The following HERC3 variants were observed in gnomAD, a reference collection of about 807,000 sequenced individuals.
HERC3 encodes the protein probable E3 ubiquitin-protein ligase HERC3.
Under a neutral mutation model 129.9 loss-of-function variants are expected in HERC3, and 58 were observed. The ratio of observed to expected loss-of-function variants is 0.45; its 90% CI spans 0.36 to 0.56. HERC3 has a LOEUF of 0.56. Ranked by LOEUF, HERC3 falls within the 20% of genes least tolerant of loss-of-function variation. The probability of loss-of-function intolerance (pLI) is 0.00; values close to 1 mark genes in which losing one functional copy is unlikely to be tolerated. For missense variants in HERC3, 835 were observed against 1,244.2 expected (o/e 0.67, Z 4.95); for synonymous variants, 430 against 451.0 (o/e 0.95, Z 0.59).
intron 23 of HERC3, chr4:88,697,973 T>C: frequency 1.6e-6 from 1 of 634,964 alleles, no homozygotes; most frequent in Non-Finnish European, 2.7e-6. Flanking sequence ...CTCCTGTTGC[T>C]ACCCTGACAT....
intron 10 of HERC3, among the ~76,000 whole-genome samples, chr4:88,659,782 A>G (rs190212755): frequency 6.6e-6 from 1 of 152,362 alleles, no homozygotes; most frequent in East Asian, 1.9e-4. Flanking sequence ...GTTATTCAAT[A>G]GTATCCAACT....
At chr4:88,632,556 G>A (rs1726892070) in intron 3 of HERC3, among the ~76,000 whole-genome samples, 1 of 152,160 alleles carries the variant, frequency 6.6e-6, no homozygotes, top group African/African-American at 2.4e-5. Context: ...AACAAATGGA[G>A]AAACAAAGTT....
At chr4:88,646,503 A>G (rs1369240536) in intron 3 of HERC3, among the ~76,000 whole-genome samples, 1 of 152,240 alleles carries the variant, frequency 6.6e-6, no homozygotes, top group Middle Eastern at 3.2e-3. Flanking sequence ...GAGAAAGTAT[A>G]CTTTTATTCT....
the HERC3 span, among the ~76,000 whole-genome samples, chr4:88,555,431 G>T: frequency 3.3e-5 from 5 of 152,228 alleles, no homozygotes; most frequent in Middle Eastern, 6.8e-3. Flanking sequence ...GTTATTTTGG[G>T]GTAGTTTGAG....
chr4:88,545,448 T>TTTTTTG, the HERC3 span, among the ~76,000 whole-genome samples: 4 of 150,036 alleles, frequency 2.7e-5, no homozygotes, highest in African/African-American at 9.9e-5. Flanking sequence ...TTTTTTTTTT[T>TTTTTTG]TTTAGATAGG....
At chr4:88,569,861 A>G in the HERC3 span, among the ~76,000 whole-genome samples, 631 of 152,294 alleles carry the variant, frequency 4.1e-3, 5 homozygotes, top group Non-Finnish European at 7.3e-3. Flanking sequence ...CTGCACATGC[A>G]TCTAGGAGTA....
intron 14 of HERC3, among the ~76,000 whole-genome samples, chr4:88,669,212 C>T (rs371629750): frequency 1.5e-4 from 23 of 152,278 alleles, no homozygotes; most frequent in African/African-American, 5.1e-4. Context: ...ATCTGTCCCT[C>T]GCCCTCACCA....
chr4:88,689,532 C>CAA (rs34892852), intron 23 of HERC3, among the ~76,000 whole-genome samples: 1 of 103,660 alleles, frequency 9.6e-6, no homozygotes, highest in Non-Finnish European at 2.0e-5. Flanking sequence ...CCGCCCCCGC[C>CAA]AAAAAAAAAA....
At chr4:88,538,290 C>A in the HERC3 span, among the ~76,000 whole-genome samples, 1 of 152,178 alleles carries the variant, frequency 6.6e-6, no homozygotes, top group Non-Finnish European at 1.5e-5. Flanking sequence ...CTGCAATGCT[C>A]TTTGAGATGA....
chr4:88,545,430 C>CCTTTTTTTTTTTTTTTTTTTTTTTTTT, the HERC3 span, among the ~76,000 whole-genome samples: 191 of 110,382 alleles, frequency 1.7e-3, 17 homozygotes, highest in East Asian at 0.016. Flanking sequence ...TTTGAGAATT[C>CCTTTTTTTTTTTTTTTTTTTTTTTTTT]TTTTTTTTTT....
chr4:88,629,117 C>T (rs910579627), intron 3 of HERC3, among the ~76,000 whole-genome samples: 1 of 152,122 alleles, frequency 6.6e-6, no homozygotes, highest in African/African-American at 2.4e-5. Context: ...GAGATTGTGC[C>T]GCTGTACTCC....
chr4:88,681,496 A>G (rs980022961), intron 21 of HERC3, among the ~76,000 whole-genome samples, 171 bp downstream of exon 21: 1 of 152,224 alleles, frequency 6.6e-6, no homozygotes, highest in Non-Finnish European at 1.5e-5. Flanking sequence ...TGCTTGAGAC[A>G]TTGCCTGTGT....
intron 19 of HERC3, among the ~76,000 whole-genome samples, chr4:88,678,606 T>C (rs1254148495): frequency 6.6e-6 from 1 of 152,226 alleles, no homozygotes; most frequent in African/African-American, 2.4e-5. Flanking sequence ...AAAATTTCTC[T>C]CTCCATATAT....
chr4:88,700,309 G>A (rs1462002214), intron 23 of HERC3, among the ~76,000 whole-genome samples: 1 of 152,124 alleles, frequency 6.6e-6, no homozygotes, highest in Non-Finnish European at 1.5e-5. Flanking sequence ...TAGACACCTA[G>A]CAGTGGGATT....
chr4:88,582,346 G>A, the HERC3 span, among the ~76,000 whole-genome samples: 1 of 152,142 alleles, frequency 6.6e-6, no homozygotes, highest in Admixed American at 6.5e-5. Flanking sequence ...CATAGACAAT[G>A]TTGGGGCTCA....
At chr4:88,671,747 C>T (rs1040301567) in intron 16 of HERC3, among the ~76,000 whole-genome samples, 2 of 152,040 alleles carry the variant, frequency 1.3e-5, no homozygotes, top group African/African-American at 2.4e-5. Flanking sequence ...TGGCCTTGAA[C>T]TCATGAGCTC....
chr4:88,704,249 A>G lies in HERC3; in HGVS notation c.2809A>G (p.Asn937Asp), dbSNP rs368215947. The G allele has an allele frequency of 6.2e-7, 1 of 1,614,098 alleles. No homozygotes were observed. Among genetic ancestry groups the G allele is most frequent in the Non-Finnish European group, 8.5e-7 (1 of 1,180,000 alleles). The change falls in exon 24 of 26, where the codon AAC becomes GAC. Residue 937 changes from asparagine (N) to aspartate (D), a missense_variant. Coordinates refer to ENST00000402738, the MANE Select transcript of HERC3 (RefSeq NM_014606.3). ...PSELRAMMVG[N>D]SNYNWEELEE... ...AGAACTGAGGGCTATGATGGTGGGGAACAGCAACTACAACTGGGAAGAACT... is the reference window on the plus strand; with the variant it reads ...AGAACTGAGGGCTATGATGGTGGGGGACAGCAACTACAACTGGGAAGAACT...
intron 25 of HERC3, among the ~76,000 whole-genome samples, chr4:88,705,825 C>T (rs913176723): frequency 6.6e-6 from 1 of 152,164 alleles, no homozygotes; most frequent in Non-Finnish European, 1.5e-5. Context: ...TAATGTAGGA[C>T]TTAACAGGTT....
the HERC3 span, among the ~76,000 whole-genome samples, chr4:88,570,188 G>A: frequency 1.3e-5 from 2 of 152,152 alleles, no homozygotes; most frequent in African/African-American, 4.8e-5. Flanking sequence ...ATAGTATGAG[G>A]AGTGGATATA....
Sources: allele counts gnomAD v4.1 joint callset (sites outside exome capture counted in the v4.1 genomes callset), GRCh38; gene constraint gnomAD v4.1.1; transcripts MANE v1.5; gene names NCBI Gene and HGNC (gene_info 2026-07-23, HGNC 2026-07-21).